Variants in CSE1L observed in about 807,000 individuals in gnomAD.
The protein encoded by CSE1L is chromosome segregation 1 like.
CSE1L carries 24 observed loss-of-function variants against 120.4 expected under a neutral mutation model. The observed-to-expected ratio is 0.20, with a 90% CI of 0.14 to 0.28. The LOEUF (loss-of-function observed/expected upper bound fraction) is 0.28. Ranked by LOEUF, CSE1L falls within the 10% of genes least tolerant of loss-of-function variation. The pLI is 1.00. For synonymous variants in CSE1L, 402 were observed against 398.3 expected (o/e 1.01, Z -0.11); for missense variants, 830 against 1,145.2 (o/e 0.72, Z 3.97).
intron 2 of CSE1L, among the ~76,000 whole-genome samples, chr20:49,059,908 A>G (rs552202896): frequency 1.3e-5 from 2 of 151,850 alleles, no homozygotes; most frequent in African/African-American, 4.8e-5. Context: ...AAACACAGCC[A>G]GGGTTGGTGG....
chr20:49,064,255 A>G (rs2091873941), intron 3 of CSE1L, among the ~76,000 whole-genome samples: 1 of 152,268 alleles, frequency 6.6e-6, no homozygotes, highest in South Asian at 2.1e-4. Flanking sequence ...ATGATGTTAC[A>G]AAGTATTAGC....
intron 13 of CSE1L, among the ~76,000 whole-genome samples, chr20:49,077,781 G>A (rs763934782): frequency 3.9e-5 from 6 of 152,104 alleles, no homozygotes; most frequent in Non-Finnish European, 8.8e-5. Context: ...TGAGGCGGGA[G>A]GATCGTGAGG....
chr20:49,083,221 A>G (rs1380667607), intron 14 of CSE1L, among the ~76,000 whole-genome samples: 2 of 150,872 alleles, frequency 1.3e-5, no homozygotes, highest in African/African-American at 4.9e-5. Flanking sequence ...AGGTTTCACC[A>G]TGTTAGCCAG....
At chr20:49,071,724 G>A (rs1041824303) in intron 8 of CSE1L, among the ~76,000 whole-genome samples, 32 of 152,068 alleles carry the variant, frequency 2.1e-4, no homozygotes, top group Admixed American at 2.1e-3. Flanking sequence ...CCGTCGCAGT[G>A]GCCCACGCCT....
At chr20:49,060,179 T>G (rs2091840676) in intron 2 of CSE1L, among the ~76,000 whole-genome samples, 1 of 124,158 alleles carries the variant, frequency 8.1e-6, no homozygotes, top group African/African-American at 3.2e-5. Flanking sequence ...AGGGAAATCT[T>G]GTCTTAAAAA....
At chr20:49,051,071 A>C (rs554542145) in intron 1 of CSE1L, among the ~76,000 whole-genome samples, 2 of 152,356 alleles carry the variant, frequency 1.3e-5, no homozygotes, top group South Asian at 4.1e-4. Flanking sequence ...AGTCCCTACT[A>C]TCAGTGGAGT....
chr20:49,074,348 C>T (rs1260451634), intron 10 of CSE1L, among the ~76,000 whole-genome samples: 5 of 151,406 alleles, frequency 3.3e-5, no homozygotes, highest in South Asian at 2.1e-4. Flanking sequence ...CTAGGTTACA[C>T]GCGTGAGCCA....
intron 12 of CSE1L, among the ~76,000 whole-genome samples, chr20:49,076,432 T>G (rs536889526): frequency 1.3e-5 from 2 of 151,362 alleles, no homozygotes; most frequent in African/African-American, 4.8e-5. Context: ...GTGATCCACC[T>G]GCCTTGGCCT....
At chr20:49,068,960 G>C (rs1433756735) in intron 7 of CSE1L, 138 bp downstream of exon 7, 3 of 627,362 alleles carry the variant, frequency 4.8e-6, no homozygotes, top group Non-Finnish European at 8.3e-6. Flanking sequence ...TTTATCTATA[G>C]TGTTCTGTTC....
At position 49,066,463 on chromosome 20, in the gene CSE1L, C is replaced by G; in HGVS notation, c.429C>G (p.Phe143Leu). 6.2e-7 allele frequency: 1 copy of G among 1,614,076 alleles called. No individual in the cohort carries two copies. Among genetic ancestry groups the G allele is most frequent in the Non-Finnish European group, 8.5e-7 (1 of 1,179,962 alleles). The change falls in exon 5 of 25, where the codon TTC (phenylalanine) becomes TTG (leucine). Residue 143 changes from phenylalanine to leucine, a missense_variant. Around this residue, in one of 4 missense-constraint regions of CSE1L, gnomAD observed 543 missense variants for 640.2 expected, o/e 0.85. Coordinates refer to ENST00000262982, the MANE Select transcript of CSE1L (RefSeq NM_001316.4). ...TGAATCGCTTTCAGAGTGGAGATTTCCATGTTATTAATGGAGTCCTCCGTA... is the reference window on the plus strand; with the variant it reads ...TGAATCGCTTTCAGAGTGGAGATTTGCATGTTATTAATGGAGTCCTCCGTA... ...EMVNRFQSGD[F>L]HVINGVLRTA...
intron 1 of CSE1L, among the ~76,000 whole-genome samples, chr20:49,049,230 C>T (rs1352013515): frequency 1.3e-5 from 2 of 148,250 alleles, no homozygotes; most frequent in Non-Finnish European, 3.0e-5. Context: ...TTCTCCCTCC[C>T]TTTTTTTTTT....
At chr20:49,051,496 T>A (rs929775566) in intron 1 of CSE1L, among the ~76,000 whole-genome samples, 2 of 152,114 alleles carry the variant, frequency 1.3e-5, no homozygotes, top group Admixed American at 1.3e-4. Context: ...TGAGCTGAGA[T>A]CACGCCACTG....
Position 49,096,642 on chromosome 20 carries a change from A to G in CSE1L, c.*204A>G, listed in dbSNP as rs2092143543. 3.4e-6 allele frequency: 2 copies of G among 589,978 alleles called. No individual in the cohort carries two copies. The highest frequency in any genetic ancestry group is 1.9e-5 in the African/African-American group (1 of 53,724). 36.5% of individuals were successfully genotyped at this position (589,978 alleles called of 1,614,324 possible). ...TCATACAGTTATGTGGGTGGCTTCT[A>G]GTTTGCAACTTCAAGGGACAAGTAT... On this transcript the variant is annotated 3_prime_UTR_variant, in exon 25 of 25. Coordinates refer to ENST00000262982, the MANE Select transcript of CSE1L (RefSeq NM_001316.4).
At chr20:49,053,913 C>G (rs1475390751) in intron 1 of CSE1L, among the ~76,000 whole-genome samples, 1 of 152,064 alleles carries the variant, frequency 6.6e-6, no homozygotes, top group Non-Finnish European at 1.5e-5. Flanking sequence ...AGGTCTTGAA[C>G]TCCTGGGCTC....
chr20:49,084,036 A>G lies in CSE1L; in HGVS notation c.1493A>G (p.Glu498Gly). ...TATTGTGTTTTTTAGGTGCCAAAAGAACATCTTTTAGTCTCGATTCCTCTC... is the reference window on the plus strand; with the variant it reads ...TATTGTGTTTTTTAGGTGCCAAAAGGACATCTTTTAGTCTCGATTCCTCTC... ...IMIFRNQVPKEHLLVSIPLLI... is the reference protein window; with the variant it reads ...IMIFRNQVPKGHLLVSIPLLI... Residue 498 changes from glutamate to glycine, a missense_variant, in exon 15 of 25, where the codon GAA becomes GGA. Around this residue, in one of 4 missense-constraint regions of CSE1L, gnomAD observed 543 missense variants for 640.2 expected, o/e 0.85. Transcript: ENST00000262982. 1 of 1,613,670 alleles carries G rather than the reference A, an allele frequency of 6.2e-7. No homozygotes were observed. The highest frequency in any genetic ancestry group is 8.5e-7 in the Non-Finnish European group (1 of 1,179,664).
intron 7 of CSE1L, 87 bp from the exon 8 acceptor site, chr20:49,070,118 A>G: frequency 1.6e-6 from 1 of 637,508 alleles, no homozygotes; most frequent in Non-Finnish European, 2.8e-6. Context: ...TGTGTATAAA[A>G]TGTTTTGTCC....
intron 5 of CSE1L, among the ~76,000 whole-genome samples, chr20:49,066,855 C>T (rs2091896081): frequency 1.3e-5 from 2 of 151,540 alleles, no homozygotes; most frequent in Admixed American, 1.3e-4. Flanking sequence ...ATGGTAAAAC[C>T]CCGTCTCTAC....
At chr20:49,096,037 T>C (rs2092137623) in intron 24 of CSE1L, 2 of 465,912 alleles carry the variant, frequency 4.3e-6, no homozygotes, top group Non-Finnish European at 7.9e-6. Flanking sequence ...TTATTCTCTG[T>C]ATTGAGCAAG....
At chr20:49,059,590 G>A (rs574774285) in intron 2 of CSE1L, among the ~76,000 whole-genome samples, 50 of 152,082 alleles carry the variant, frequency 3.3e-4, no homozygotes, top group Admixed American at 8.5e-4. Flanking sequence ...AACTTCAAAA[G>A]ATTTTGGGGC....
Sources: gnomAD v4.1 joint callset for allele counts (sites outside exome capture counted in the v4.1 genomes callset) on GRCh38, gnomAD v4.1.1 for gene constraint, gnomAD v4.1.1 regional missense constraint, MANE v1.5 for transcripts, NCBI Gene and HGNC (gene_info 2026-07-23, HGNC 2026-07-21) for gene names.